Variants in UBE2R2 observed in about 807,000 individuals in gnomAD.
The protein encoded by UBE2R2 is ubiquitin-conjugating enzyme E2 R2.
Under a neutral mutation model 27.8 loss-of-function variants are expected in UBE2R2, and 1 was observed. The ratio of observed to expected loss-of-function variants is 0.04; its 90% confidence interval spans 0.01 to 0.17. UBE2R2 has a LOEUF of 0.17. Among genes scored for constraint, UBE2R2 ranks in the 10% least tolerant of loss-of-function variants. The probability of loss-of-function intolerance (pLI) is 1.00; values close to 1 mark genes in which losing one functional copy is unlikely to be tolerated. For missense variants in UBE2R2, 100 were observed against 291.0 expected (o/e 0.34, Z 4.78); for synonymous variants, 106 against 113.3 (o/e 0.94, Z 0.41).
At chr9:33,902,992 G>A (rs911769050) in intron 3 of UBE2R2, among the ~76,000 whole-genome samples, 2 of 151,992 alleles carry the variant, frequency 1.3e-5, no homozygotes, top group African/African-American at 2.4e-5. Flanking sequence ...CCAGCTACTC[G>A]GGAGGCTGAG....
intron 1 of UBE2R2, among the ~76,000 whole-genome samples, chr9:33,837,451 G>C (rs966303351): frequency 7.2e-6 from 1 of 139,326 alleles, no homozygotes; most frequent in African/African-American, 2.7e-5. Context: ...GACAGGGTCT[G>C]CTCTTGCTCT....
chr9:33,874,090 G>GGTGCCCGCTGCC lies in UBE2R2; in HGVS notation c.178-12790_178-12779dup, dbSNP rs1821550886. ...AGCCGCCCAAGTAGCTGGGATTACA[G>GGTGCCCGCTGCC]GTGCCCGCTGCCATGCCCGGCTAAT... On this transcript the variant is annotated intron_variant, in intron 1 of 4. Transcript: ENST00000263228. Among the ~76,000 whole-genome samples the GGTGCCCGCTGCC allele has an allele frequency of 2.6e-5, 4 of 152,026 alleles. No homozygotes were observed. The South Asian group carries it at 8.3e-4, about 32-fold the overall frequency.
intron 1 of UBE2R2, among the ~76,000 whole-genome samples, chr9:33,819,965 T>C (rs1825945926): frequency 6.6e-6 from 1 of 152,232 alleles, no homozygotes; most frequent in African/African-American, 2.4e-5. Flanking sequence ...AAACATTGTT[T>C]AGCAAAATCT....
intron 3 of UBE2R2, among the ~76,000 whole-genome samples, chr9:33,906,175 T>G (rs1263502050): frequency 6.6e-6 from 1 of 152,056 alleles, no homozygotes; most frequent in African/African-American, 2.4e-5. Context: ...CCAGCTGGAG[T>G]GCAATGGTGC....
rs772258416 is a variant in UBE2R2 at position 33,865,172 on chromosome 9, G to GTCTGTCTC, written c.178-21697_178-21690dup. Among the ~76,000 whole-genome samples, 226 of 150,852 alleles carry GTCTGTCTC rather than the reference G, an allele frequency of 1.5e-3. 1 individual carries two copies. Among genetic ancestry groups the GTCTGTCTC allele is most frequent in the Middle Eastern group, 3.5e-3 (1 of 282 alleles). ...ACTGTGCCCAACTTACTTCCTTTCT[G>GTCTGTCTC]TCTGTCTCTCTGTCTCTCTCTCTAT... On this transcript the variant is annotated intron_variant, in intron 1 of 4. Coordinates refer to ENST00000263228, the MANE Select transcript of UBE2R2 (RefSeq NM_017811.4).
At chr9:33,872,245 T>C (rs1047764771) in intron 1 of UBE2R2, among the ~76,000 whole-genome samples, 14 of 151,102 alleles carry the variant, frequency 9.3e-5, no homozygotes, top group African/African-American at 3.2e-4. Flanking sequence ...AAAAAAAAGT[T>C]ATCCAGGCGT....
chr9:33,874,224 A>C (rs1337568789), intron 1 of UBE2R2, among the ~76,000 whole-genome samples: 1 of 152,188 alleles, frequency 6.6e-6, no homozygotes, highest in Non-Finnish European at 1.5e-5. Flanking sequence ...CTGGGATTAC[A>C]GGCATGAACC....
At chr9:33,816,484 TGTTA>T (rs1044682984), upstream of UBE2R2, among the ~76,000 whole-genome samples, 1 of 152,170 alleles carries the variant, frequency 6.6e-6, no homozygotes, top group African/African-American at 2.4e-5. Context: ...AGACCCAGTT[TGTTA>T]TTGTCTTTTT....
intron 1 of UBE2R2, among the ~76,000 whole-genome samples, chr9:33,830,412 C>T (rs1245190306): frequency 1.3e-5 from 2 of 150,562 alleles, no homozygotes; most frequent in African/African-American, 4.9e-5. Context: ...CCGCCTCGGC[C>T]TCCCAAAGTG....
chr9:33,884,289 CTTTT>C (rs910443817), intron 1 of UBE2R2, among the ~76,000 whole-genome samples: 1 of 100,014 alleles, frequency 1.0e-5, no homozygotes. Context: ...CTTTTTCTTT[CTTTT>C]TTTTTTTTTG....
At chr9:33,849,127 C>T (rs1200856433) in intron 1 of UBE2R2, among the ~76,000 whole-genome samples, 3 of 151,976 alleles carry the variant, frequency 2.0e-5, no homozygotes, top group Non-Finnish European at 4.4e-5. Context: ...CGTGGTGGCA[C>T]ATGCCTGTAA....
intron 1 of UBE2R2, among the ~76,000 whole-genome samples, chr9:33,851,336 A>G (rs1289720481): frequency 2.6e-5 from 4 of 152,164 alleles, no homozygotes; most frequent in Non-Finnish European, 4.4e-5. Flanking sequence ...ATTATTATCA[A>G]CAATTATGAA....
intron 1 of UBE2R2, among the ~76,000 whole-genome samples, chr9:33,883,560 C>G (rs539641568): frequency 1.6e-4 from 24 of 151,658 alleles, no homozygotes; most frequent in African/African-American, 4.4e-4. Flanking sequence ...CTAAAAAATA[C>G]AAAAATTTAG....
intron 1 of UBE2R2, among the ~76,000 whole-genome samples, chr9:33,830,604 C>T (rs1465091151): frequency 6.6e-6 from 1 of 151,368 alleles, no homozygotes; most frequent in Admixed American, 6.6e-5. Flanking sequence ...CCCGTCTCTA[C>T]TGAAAATACA....
intron 1 of UBE2R2, among the ~76,000 whole-genome samples, chr9:33,830,492 C>T (rs1040756822): frequency 2.0e-5 from 3 of 148,814 alleles, no homozygotes; most frequent in African/African-American, 4.9e-5. Context: ...GCTGATTGGA[C>T]GCGTTGGCTC....
At chr9:33,815,731 A>C (rs998613983), upstream of UBE2R2, among the ~76,000 whole-genome samples, 1 of 152,212 alleles carries the variant, frequency 6.6e-6, no homozygotes, top group African/African-American at 2.4e-5. Flanking sequence ...GCAACAGAGT[A>C]AGACCCTGTC....
intron 1 of UBE2R2, among the ~76,000 whole-genome samples, chr9:33,825,231 C>T (rs2256180): frequency 0.41 from 59,990 of 146,496 alleles, 12,501 homozygotes; most frequent in South Asian, 0.5. Flanking sequence ...GAATGATCTT[C>T]ATAAAAGCAA....
chr9:33,906,127 G>GTTA lies in UBE2R2; in HGVS notation c.363-5835_363-5834insATT, dbSNP rs573593997. On this transcript the variant is annotated intron_variant, in intron 3 of 4. Transcript: ENST00000263228. ...CGTCGTTGTTGCTGTTGTTGTTGTT[G>GTTA]TTGTTGTTGTTTTGAAATGGAGTTT... Among the ~76,000 whole-genome samples the GTTA allele has an allele frequency of 4.0e-3, 604 of 152,076 alleles. 2 individuals are homozygous for GTTA. Among genetic ancestry groups the GTTA allele is most frequent in the African/African-American group, 0.014 (584 of 41,494 alleles).
chr9:33,847,747 AT>A (rs367991925), intron 1 of UBE2R2, among the ~76,000 whole-genome samples: 36,971 of 104,944 alleles, frequency 0.35, 4,920 homozygotes, highest in African/African-American at 0.46. Flanking sequence ...TTGACCTGAA[AT>A]TTTTTTTTTT....
Sources: allele counts gnomAD v4.1 joint callset (sites outside exome capture counted in the v4.1 genomes callset), GRCh38; gene constraint gnomAD v4.1.1; transcripts MANE v1.5; gene names NCBI Gene and HGNC (gene_info 2026-07-23, HGNC 2026-07-21).